The following GTF2H5 variants were observed in gnomAD, a reference collection of about 807,000 sequenced individuals.
GTF2H5 encodes TFB5 ortholog.
A neutral mutation model predicts 7.1 loss-of-function variants in GTF2H5; 5 were observed. The ratio of observed to expected loss-of-function variants is 0.71; its 90% CI spans 0.37 to 1.49. The LOEUF (loss-of-function observed/expected upper bound fraction) is 1.49. GTF2H5 is among the 40% of genes most tolerant of loss of function. The pLI is 0.03. For synonymous variants in GTF2H5, 30 were observed against 31.7 expected, an observed-to-expected ratio of 0.95 and a Z score of 0.18; for missense variants, 80 against 83.0, an observed-to-expected ratio of 0.96 and a Z score of 0.14.
chr6:158,173,761 GA>G (rs1785889518), intron 2 of GTF2H5, among the ~76,000 whole-genome samples: 1 of 130,452 alleles, frequency 7.7e-6, no homozygotes, highest in African/African-American at 2.8e-5. Context: ...AAAAATGAGG[GA>G]ATAAAAGGGT....
intron 2 of GTF2H5, among the ~76,000 whole-genome samples, chr6:158,182,386 G>A (rs1215929472): frequency 6.6e-6 from 1 of 152,082 alleles, no homozygotes; most frequent in African/African-American, 2.4e-5. Context: ...TATCTTTGTG[G>A]TGTTCTCTGT....
intron 2 of GTF2H5, among the ~76,000 whole-genome samples, chr6:158,173,838 T>C (rs1352189318): frequency 6.6e-6 from 1 of 152,154 alleles, no homozygotes; most frequent in East Asian, 1.9e-4. Flanking sequence ...ACTGGCTATT[T>C]TATGGCCATT....
chr6:158,191,444 T>C (rs2128432077), intron 2 of GTF2H5, among the ~76,000 whole-genome samples: 1 of 152,268 alleles, frequency 6.6e-6, no homozygotes, highest in East Asian at 1.9e-4. Context: ...TCTTTAAAAA[T>C]CTTGCCATTG....
intron 2 of GTF2H5, among the ~76,000 whole-genome samples, chr6:158,175,745 C>T (rs1277440502): frequency 6.7e-6 from 1 of 150,014 alleles, no homozygotes; most frequent in Non-Finnish European, 1.5e-5. Context: ...GCCTGAGCAA[C>T]ACAGTGAGAC....
chr6:158,179,400 G>C (rs926877269), intron 2 of GTF2H5, among the ~76,000 whole-genome samples: 49 of 152,130 alleles, frequency 3.2e-4, no homozygotes, highest in African/African-American at 1.2e-3. Flanking sequence ...GTGGTAGCTT[G>C]ATGGGGATAG....
At chr6:158,169,347 TTATATATAATACA>T (rs1562467601) in intron 1 of GTF2H5, among the ~76,000 whole-genome samples, 3 of 110,548 alleles carry the variant, frequency 2.7e-5, no homozygotes, top group African/African-American at 7.2e-5. Flanking sequence ...AATACGTATA[TTATATATAATACA>T]TATATATAAT....
chr6:158,195,307 T>C lies in GTF2H5; in HGVS notation c.*3150T>C, dbSNP rs972144588. 8 of 152,184 alleles carry C rather than the reference T, an allele frequency of 5.3e-5. No homozygotes were observed. The highest frequency in any genetic ancestry group is 1.9e-4 in the African/African-American group (8 of 41,436). The allele number at this position is 152,184 out of a possible 1,614,324, so 9.4% of individuals were successfully genotyped here. A position where few individuals can be genotyped will look rare whatever the true frequency, so the allele number is the denominator to read the frequency against. On this transcript the variant is annotated 3_prime_UTR_variant, in exon 3 of 3. Coordinates refer to ENST00000607778, the MANE Select transcript of GTF2H5 (RefSeq NM_207118.3). ...GAAACTTTGTCTCTTAATAGAACTA[T>C]GGACTGAAGTTGTGATATTGAGTGT...
chr6:158,183,311 G>T (rs547897775), intron 2 of GTF2H5, among the ~76,000 whole-genome samples: 1 of 152,290 alleles, frequency 6.6e-6, no homozygotes, highest in African/African-American at 2.4e-5. Context: ...ACTGGGAGGT[G>T]TCTCCCAGTC....
At chr6:158,187,598 C>T (rs1252158322) in intron 2 of GTF2H5, among the ~76,000 whole-genome samples, 1 of 152,076 alleles carries the variant, frequency 6.6e-6, no homozygotes, top group Non-Finnish European at 1.5e-5. Flanking sequence ...AATGGAGTCT[C>T]GCTCTGTTGC....
chr6:158,190,407 A>G (rs1421494383), intron 2 of GTF2H5, among the ~76,000 whole-genome samples: 6 of 152,080 alleles, frequency 3.9e-5, no homozygotes, highest in South Asian at 2.1e-4. Flanking sequence ...CACCTCCACT[A>G]TTACCACCTA....
At chr6:158,169,646 G>A (rs61684152) in intron 1 of GTF2H5, among the ~76,000 whole-genome samples, 1 of 59,240 alleles carries the variant, frequency 1.7e-5, no homozygotes, top group Non-Finnish European at 2.6e-5. Flanking sequence ...TACATATATT[G>A]TATATTACAT....
chr6:158,191,643 C>T lies in GTF2H5; in HGVS notation c.36-334C>T, dbSNP rs536674075. 5.9e-5 allele frequency among the ~76,000 whole-genome samples: 9 copies of T among 152,192 alleles called. No individual in the cohort carries two copies. In the South Asian group the frequency reaches 1.7e-3, roughly 28 times the overall value. On this transcript the variant is annotated intron_variant, in intron 2 of 2. Transcript: ENST00000607778. ...GACTACAGGCACCCGCCACCACACC[C>T]GGCTAATTTTTTGTATTTTTAGTAG...
intron 1 of GTF2H5, among the ~76,000 whole-genome samples, chr6:158,169,446 T>A (rs867347328): frequency 7.0e-5 from 4 of 57,070 alleles, no homozygotes; most frequent in Admixed American, 4.2e-4. Context: ...ATTATATATA[T>A]TATATATTAT....
intron 1 of GTF2H5, among the ~76,000 whole-genome samples, chr6:158,170,058 C>T (rs1466968835): frequency 6.6e-6 from 1 of 151,704 alleles, no homozygotes; most frequent in African/African-American, 2.4e-5. Context: ...GGTGGTTGGG[C>T]TCACTGTATA....
chr6:158,168,739 G>T (rs1562467047), intron 1 of GTF2H5, among the ~76,000 whole-genome samples: 1 of 152,248 alleles, frequency 6.6e-6, no homozygotes, highest in African/African-American at 2.4e-5. Context: ...GATCTGGCTT[G>T]TACTTTTTTC....
At chr6:158,189,608 C>T (rs1156409788) in intron 2 of GTF2H5, among the ~76,000 whole-genome samples, 2 of 152,108 alleles carry the variant, frequency 1.3e-5, no homozygotes, top group African/African-American at 4.8e-5. Flanking sequence ...CAGTTCACTC[C>T]CTCTCATACC....
intron 2 of GTF2H5, 97 bp downstream of exon 2, chr6:158,170,635 G>T: frequency 1.1e-6 from 1 of 903,816 alleles, no homozygotes. Context: ...TTAAGATATG[G>T]ATGAAATCAA....
intron 1 of GTF2H5, among the ~76,000 whole-genome samples, chr6:158,169,474 TTATA>T (rs1176892862): frequency 1.7e-5 from 1 of 59,256 alleles, no homozygotes; most frequent in Non-Finnish European, 2.7e-5. Flanking sequence ...ATATTGTATA[TTATA>T]TATAATATAT....
intron 2 of GTF2H5, among the ~76,000 whole-genome samples, chr6:158,177,080 A>T (rs551875955): frequency 2.9e-4 from 44 of 152,274 alleles, no homozygotes; most frequent in African/African-American, 1.0e-3. Context: ...GATTTTGTTT[A>T]TGGCTAGTTT....
Sources: gnomAD v4.1 joint callset for allele counts (sites outside exome capture counted in the v4.1 genomes callset) on GRCh38, gnomAD v4.1.1 for gene constraint, MANE v1.5 for transcripts, NCBI Gene and HGNC (gene_info 2026-07-23, HGNC 2026-07-21) for gene names.